Variants in RBFOX1 observed in about 807,000 individuals in gnomAD.
RBFOX1 encodes the protein RNA binding fox-1 homolog 1.
RBFOX1 carries 8 observed loss-of-function variants against 57.7 expected under a neutral mutation model. That is an observed-to-expected ratio of 0.14 (90% confidence interval 0.08 to 0.25). The LOEUF is 0.25. Ranked by LOEUF, RBFOX1 falls within the 10% of genes least tolerant of loss-of-function variation. RBFOX1 has a pLI of 1.00. For synonymous variants in RBFOX1, 326 were observed against 222.4 expected, an observed-to-expected ratio of 1.47 and a Z score of -4.15; for missense variants, 611 against 548.5, an observed-to-expected ratio of 1.11 and a Z score of -1.14.
intron 4 of RBFOX1, among the ~76,000 whole-genome samples, chr16:5,988,018 C>G (rs2060315467): frequency 6.6e-6 from 1 of 152,152 alleles, no homozygotes; most frequent in Non-Finnish European, 1.5e-5. Flanking sequence ...CTGGCTCTAG[C>G]CCACAGTACT....
intron 3 of RBFOX1, among the ~76,000 whole-genome samples, chr16:6,933,372 C>G (rs1291359058): frequency 6.6e-6 from 1 of 152,216 alleles, no homozygotes; most frequent in Non-Finnish European, 1.5e-5. Context: ...ACAAGGGTTC[C>G]AATCTGTCCA....
rs1311744782 is a variant in RBFOX1, at chr16:6,128,486, C to T, written c.-127+108494C>T. On this transcript the variant is annotated intron_variant, in intron 1 of 15. Transcript: ENST00000550418. ...GAGAAGGGAGACACCTAAGGTGAGC[C>T]TCATGAAAGCTCTGGCTTTCTGTCC... Among the ~76,000 whole-genome samples, 5 of 152,264 alleles carry T rather than the reference C, an allele frequency of 3.3e-5. No homozygotes were observed. In the South Asian group the frequency reaches 1.0e-3, roughly 32 times the overall value.
rs149210614 is a variant in RBFOX1, at chr16:7,645,251, A to G, written c.758-8564A>G. 2.0e-4 allele frequency among the ~76,000 whole-genome samples: 30 copies of G among 152,280 alleles called. No individual in the cohort carries two copies. In the East Asian group the frequency reaches 4.2e-3, roughly 22 times the overall value. On this transcript the variant is annotated intron_variant, in intron 11 of 15. Transcript: ENST00000550418. ...CCATGACGTTATGTAAAGAGATTCA[A>G]TTATGGTGCGCAGTGTTTTGTGAGT...
intron 1 of RBFOX1, among the ~76,000 whole-genome samples, chr16:5,340,567 A>G (rs557812034): frequency 6.6e-6 from 1 of 152,292 alleles, no homozygotes; most frequent in East Asian, 1.9e-4. Context: ...TGGAGCATTT[A>G]GTTTTTGGAT....
intron 3 of RBFOX1, among the ~76,000 whole-genome samples, chr16:6,932,669 T>G (rs750042490): frequency 1.3e-5 from 2 of 152,200 alleles, no homozygotes; most frequent in Non-Finnish European, 2.9e-5. Context: ...CACCAGATTC[T>G]GAAGTGCTCA....
chr16:6,687,711 G>A (rs1006840162), intron 3 of RBFOX1, among the ~76,000 whole-genome samples: 30 of 152,186 alleles, frequency 2.0e-4, no homozygotes, highest in African/African-American at 4.8e-4. Context: ...AAGTTGCAGC[G>A]GCCGGGGAGG....
At chr16:6,962,531 AGG>A (rs2083242917) in intron 3 of RBFOX1, among the ~76,000 whole-genome samples, 1 of 151,790 alleles carries the variant, frequency 6.6e-6, no homozygotes, top group South Asian at 2.1e-4. Context: ...AGAAGCTCAG[AGG>A]TCAAAAGCAC....
At chr16:5,431,391 T>A (rs1279674571) in intron 1 of RBFOX1, among the ~76,000 whole-genome samples, 1 of 152,198 alleles carries the variant, frequency 6.6e-6, no homozygotes, top group African/African-American at 2.4e-5. Context: ...TTATTTATTT[T>A]TGAGATGGAG....
chr16:6,978,406 CA>C (rs1472068635), intron 3 of RBFOX1, among the ~76,000 whole-genome samples: 1 of 152,166 alleles, frequency 6.6e-6, no homozygotes, highest in East Asian at 1.9e-4. Flanking sequence ...ACAGCTACCT[CA>C]CCGAACACAT....
At chr16:7,405,011 CA>C (rs2098314109) in intron 4 of RBFOX1, among the ~76,000 whole-genome samples, 1 of 152,146 alleles carries the variant, frequency 6.6e-6, no homozygotes, top group East Asian at 1.9e-4. Context: ...TGCTACACCA[CA>C]AAGGGTATTA....
chr16:6,226,363 A>G (rs981224276), intron 1 of RBFOX1, among the ~76,000 whole-genome samples: 3 of 109,898 alleles, frequency 2.7e-5, no homozygotes, highest in Non-Finnish European at 3.5e-5. Flanking sequence ...ACAAGAGTGA[A>G]ACTCTGTCTC....
chr16:5,777,677 CTTAA>C (rs768421475), intron 3 of RBFOX1, among the ~76,000 whole-genome samples: 4 of 152,130 alleles, frequency 2.6e-5, no homozygotes, highest in Admixed American at 2.6e-4. Flanking sequence ...TGTTGTGAGA[CTTAA>C]TTAAGGTAGT....
In RBFOX1 at chr16:6,210,007, A is replaced by G. The variant is rs142290150; in HGVS notation, c.-126-106988A>G. Among the ~76,000 whole-genome samples the G allele has an allele frequency of 1.3e-3, 191 of 152,162 alleles. 2 individuals are homozygous for G. Among genetic ancestry groups the G allele is most frequent in the African/African-American group, 4.0e-3 (168 of 41,518 alleles). On this transcript the variant is annotated intron_variant, in intron 1 of 15. Transcript: ENST00000550418. ...TTTTATATTTCTTCTCCATCTAGGA[A>G]CATGACAAAGTTAGAAATCTTACAA...
intron 1 of RBFOX1, among the ~76,000 whole-genome samples, chr16:5,422,844 A>G (rs111218277): frequency 0.46 from 53,143 of 115,284 alleles, 13,562 homozygotes; most frequent in East Asian, 0.64. Context: ...AGGAGCAGAG[A>G]GAAGGAGGAG....
At chr16:5,919,134 ACTT>A (rs1460226701) in intron 4 of RBFOX1, among the ~76,000 whole-genome samples, 1 of 152,130 alleles carries the variant, frequency 6.6e-6, no homozygotes, top group African/African-American at 2.4e-5. Flanking sequence ...TGGTGTTTAT[ACTT>A]CTTATCCTGA....
At chr16:6,034,976 T>TCAATTAC (rs565685127) in intron 1 of RBFOX1, among the ~76,000 whole-genome samples, 1 of 151,810 alleles carries the variant, frequency 6.6e-6, no homozygotes, top group African/African-American at 2.4e-5. Flanking sequence ...GAGAGCATAC[T>TCAATTAC]ATTGAGTTAC....
intron 4 of RBFOX1, among the ~76,000 whole-genome samples, chr16:5,985,739 C>A (rs1009608051): frequency 3.9e-5 from 6 of 152,014 alleles, no homozygotes; most frequent in African/African-American, 9.7e-5. Flanking sequence ...GGCAGGCTGC[C>A]CCCAAAGACA....
intron 3 of RBFOX1, among the ~76,000 whole-genome samples, chr16:5,822,195 A>G (rs1369906943): frequency 6.6e-6 from 1 of 152,224 alleles, no homozygotes; most frequent in Non-Finnish European, 1.5e-5. Flanking sequence ...GAAAAACCAA[A>G]CATCTTATGT....
rs1360642975 is a variant in RBFOX1 at position 6,554,340 on chromosome 16, G to A, written c.-63-100263G>A. On this transcript the variant is annotated intron_variant, in intron 2 of 15. Transcript: ENST00000550418. ...CATCCCCGTGAAGTGTTGGGAATAG[G>A]CAAGTCTATAGAGATGCGAAGTAGA... is the stretch of plus-strand genomic sequence containing the variant. Among the ~76,000 whole-genome samples the A allele has an allele frequency of 2.0e-5, 3 of 152,060 alleles. No individual in the cohort carries two copies. In the East Asian group the frequency reaches 5.8e-4, roughly 29 times the overall value.
Sources: gnomAD v4.1 joint callset for allele counts (sites outside exome capture counted in the v4.1 genomes callset) on GRCh38, gnomAD v4.1.1 for gene constraint, MANE v1.5 for transcripts, NCBI Gene and HGNC (gene_info 2026-07-23, HGNC 2026-07-21) for gene names.